The following SAMD8 variants were observed in gnomAD, a reference collection of about 807,000 sequenced individuals.
SAMD8 encodes sphingomyelin synthase-related protein 1.
SAMD8 carries 20 observed loss-of-function variants against 42.0 expected under a neutral mutation model. The observed-to-expected ratio is 0.48, with a 90% CI of 0.34 to 0.69. The LOEUF (loss-of-function observed/expected upper bound fraction) is 0.69, where lower values mean the gene tolerates loss of function less well. SAMD8 is among the 30% of genes least tolerant of loss of function. The pLI is 0.01. For missense variants in SAMD8, 328 were observed against 511.6 expected, an observed-to-expected ratio of 0.64 and a Z score of 3.46; for synonymous variants, 162 against 173.0, an observed-to-expected ratio of 0.94 and a Z score of 0.50.
intron 1 of SAMD8, chr10:75,125,146 G>A (rs1849100125): frequency 6.6e-6 from 1 of 152,156 alleles, no homozygotes. Flanking sequence ...TATCTGCAGA[G>A]AATCCCATTG....
chr10:75,114,697 A>G (rs549284171), intron 1 of SAMD8, among the ~76,000 whole-genome samples: 1 of 152,292 alleles, frequency 6.6e-6, no homozygotes, highest in African/African-American at 2.4e-5. Context: ...TTTTACTTCC[A>G]GGCCTGATGT....
chr10:75,106,032 G>A (rs1289653782), intron 1 of SAMD8, among the ~76,000 whole-genome samples: 2 of 152,076 alleles, frequency 1.3e-5, no homozygotes, highest in African/African-American at 4.8e-5. Flanking sequence ...CGGTAAAATG[G>A]GTAGATCAAC....
chr10:75,106,092 CTTTCT>C (rs901827981), intron 1 of SAMD8, among the ~76,000 whole-genome samples: 22 of 137,690 alleles, frequency 1.6e-4, no homozygotes, highest in African/African-American at 2.5e-4. Flanking sequence ...TTTTTCTTTT[CTTTCT>C]TTTCTTTTTT....
intron 1 of SAMD8, among the ~76,000 whole-genome samples, chr10:75,101,295 C>T (rs1220744397): frequency 1.3e-5 from 2 of 152,154 alleles, no homozygotes; most frequent in African/African-American, 4.8e-5. Context: ...ATGTAAAGCA[C>T]CTCCCACAGG....
At chr10:75,124,655 G>C (rs113962207) in intron 1 of SAMD8, among the ~76,000 whole-genome samples, 1 of 150,554 alleles carries the variant, frequency 6.6e-6, no homozygotes, top group African/African-American at 2.4e-5. Flanking sequence ...AATCTAGAGA[G>C]CAAAACGGTA....
Position 75,150,569 on chromosome 10 carries a change from C to T in SAMD8, c.41C>T (p.Thr14Ile). ...CAACTCTGCATTCGCCGCTGGACTA[C>T]CAAGCATGTAGCTGTGTGGCTGAAG... ...PNQLCIRRWTTKHVAVWLKDE... is the reference protein window; with the variant it reads ...PNQLCIRRWTIKHVAVWLKDE... Residue 14 changes from threonine (T) to isoleucine (I), a missense_variant, in exon 2 of 6, where the codon ACC (threonine) becomes ATC (isoleucine). Around this residue, in one of 2 missense-constraint regions of SAMD8, gnomAD observed 150 missense variants for 186.0 expected, o/e 0.81. Transcript: ENST00000542569. The T allele has an allele frequency of 6.2e-7, 1 of 1,614,018 alleles. No individual in the cohort carries two copies. The highest frequency in any genetic ancestry group is 1.1e-5 in the South Asian group (1 of 91,074).
chr10:75,155,045 C>G (rs1016745773), intron 2 of SAMD8, among the ~76,000 whole-genome samples: 1 of 152,036 alleles, frequency 6.6e-6, no homozygotes, highest in Non-Finnish European at 1.5e-5. Context: ...GTGTGTGTCA[C>G]CACACCTGCC....
intron 2 of SAMD8, among the ~76,000 whole-genome samples, chr10:75,163,796 G>A (rs1318558624): frequency 3.3e-5 from 5 of 151,990 alleles, no homozygotes; most frequent in African/African-American, 1.2e-4. Context: ...TTCTTAAAGT[G>A]ACCTGTCCTT....
upstream of SAMD8, chr10:75,111,396 C>T (rs927358738): frequency 8.5e-5 from 64 of 750,466 alleles, no homozygotes; most frequent in Non-Finnish European, 1.1e-4. Flanking sequence ...CGGTTCTCCT[C>T]TCGGGCCCAT....
intron 1 of SAMD8, among the ~76,000 whole-genome samples, chr10:75,129,097 A>G (rs1439789960): frequency 6.7e-6 from 1 of 150,138 alleles, no homozygotes; most frequent in East Asian, 1.9e-4. Flanking sequence ...AATTCTAAAG[A>G]TATTTATTAT....
intron 1 of SAMD8, among the ~76,000 whole-genome samples, chr10:75,126,256 C>T (rs1849130027): frequency 6.6e-6 from 1 of 152,188 alleles, no homozygotes; most frequent in African/African-American, 2.4e-5. Context: ...TCTTTTCCAA[C>T]TCCTTTAACT....
intron 3 of SAMD8, 41 bp downstream of exon 3, chr10:75,164,781 T>C (rs779026291): frequency 1.9e-5 from 26 of 1,363,176 alleles, no homozygotes. Flanking sequence ...ATGTTTTGAC[T>C]CCTGTATCAA....
intron 2 of SAMD8, among the ~76,000 whole-genome samples, chr10:75,156,405 T>C (rs1564690394): frequency 2.0e-5 from 3 of 152,176 alleles, no homozygotes; most frequent in East Asian, 1.9e-4. Flanking sequence ...CATCAGTAGA[T>C]GATAAAATCT....
intron 1 of SAMD8, among the ~76,000 whole-genome samples, chr10:75,135,312 C>T (rs1047591972): frequency 2.0e-5 from 3 of 150,380 alleles, no homozygotes; most frequent in Admixed American, 6.6e-5. Context: ...TTTAGCTGGG[C>T]AGTGGTGGTG....
chr10:75,138,261 G>C (rs1449209453), intron 1 of SAMD8, among the ~76,000 whole-genome samples: 1 of 152,130 alleles, frequency 6.6e-6, no homozygotes, highest in Non-Finnish European at 1.5e-5. Context: ...CATCATATCT[G>C]CCACAGGCAC....
chr10:75,164,375 G>A (rs1243146704), intron 2 of SAMD8: 7 of 270,138 alleles, frequency 2.6e-5, no homozygotes, highest in South Asian at 2.8e-4. Flanking sequence ...GGGAGAAAAG[G>A]GTTGCCACTT....
At chr10:75,111,781 G>T in intron 1 of SAMD8, 59 bp downstream of exon 1, 3 of 1,232,404 alleles carry the variant, frequency 2.4e-6, no homozygotes, top group Non-Finnish European at 3.0e-6. Context: ...TGCCAAGGGT[G>T]AGTGGGGAGT....
intron 1 of SAMD8, among the ~76,000 whole-genome samples, chr10:75,121,334 T>A (rs1849000208): frequency 6.6e-6 from 1 of 152,200 alleles, no homozygotes; most frequent in Non-Finnish European, 1.5e-5. Flanking sequence ...GTATATCAGA[T>A]GTTGTTGGCA....
At chr10:75,101,667 T>C (rs1183648430) in intron 1 of SAMD8, among the ~76,000 whole-genome samples, 4 of 152,098 alleles carry the variant, frequency 2.6e-5, no homozygotes, top group African/African-American at 9.7e-5. Flanking sequence ...ACATAGCCAA[T>C]TGATGTGGGA....
Sources: allele counts gnomAD v4.1 joint callset (sites outside exome capture counted in the v4.1 genomes callset), GRCh38; gene constraint gnomAD v4.1.1; regional missense constraint gnomAD v4.1.1; transcripts MANE v1.5; gene names NCBI Gene and HGNC (gene_info 2026-07-23, HGNC 2026-07-21).